PCDH15: variants seen among roughly 807,000 people sequenced by gnomAD.
PCDH15 encodes the protein protocadherin-15.
In PCDH15, 129 loss-of-function variants were observed where a neutral mutation model predicts 178.5. That is an observed-to-expected ratio of 0.72 (90% confidence interval 0.63 to 0.84). PCDH15 has a LOEUF of 0.84. Among genes scored for constraint, PCDH15 ranks in the 40% least tolerant of loss-of-function variants. The pLI is 0.00. For synonymous variants in PCDH15, 800 were observed against 732.0 expected (o/e 1.09, Z -1.50); for missense variants, 2,230 against 2,099.9 (o/e 1.06, Z -1.21).
intron 3 of PCDH15, among the ~76,000 whole-genome samples, chr10:54,493,316 G>A (rs1006053319): frequency 6.7e-6 from 1 of 148,964 alleles, no homozygotes; most frequent in African/African-American, 2.4e-5. Context: ...TGGGGGTGGG[G>A]GCAAACAAAA....
intron 6 of PCDH15, among the ~76,000 whole-genome samples, chr10:54,331,729 C>A (rs760609682): frequency 6.6e-6 from 1 of 151,974 alleles, no homozygotes; most frequent in African/African-American, 2.4e-5. Context: ...ATGGAAGATA[C>A]TGTGGTCTTA....
At chr10:54,826,705 G>A (rs557520165) in intron 3 of PCDH15, among the ~76,000 whole-genome samples, 46 of 151,690 alleles carry the variant, frequency 3.0e-4, no homozygotes, top group African/African-American at 1.1e-3. Flanking sequence ...AAGATTTCAA[G>A]CATGCCAAGA....
chr10:54,033,954 C>T (rs1366787668), intron 18 of PCDH15, among the ~76,000 whole-genome samples: 1 of 151,468 alleles, frequency 6.6e-6, no homozygotes, highest in South Asian at 2.1e-4. Context: ...AAGCATTGTC[C>T]TTCTGTCACA....
At chr10:55,397,776 G>C (rs1378031463) in intron 2 of PCDH15, among the ~76,000 whole-genome samples, 2 of 151,456 alleles carry the variant, frequency 1.3e-5, no homozygotes, top group Non-Finnish European at 2.9e-5. Context: ...AGTATAGATG[G>C]GGGTTTCACC....
At chr10:53,916,279 T>A (rs1368601189) in intron 25 of PCDH15, among the ~76,000 whole-genome samples, 3 of 152,134 alleles carry the variant, frequency 2.0e-5, no homozygotes, top group Non-Finnish European at 4.4e-5. Flanking sequence ...CATGAGGAAA[T>A]AATCAGGAAA....
At chr10:54,433,983 C>T (rs187195760) in intron 3 of PCDH15, among the ~76,000 whole-genome samples, 8 of 152,184 alleles carry the variant, frequency 5.3e-5, no homozygotes, top group East Asian at 3.9e-4. Context: ...TTCATTGGGA[C>T]GAGACGTGGA....
rs977604136 is a variant in PCDH15, at chr10:54,246,375, T to G, written c.877-9444A>C. 4.5e-4 allele frequency among the ~76,000 whole-genome samples: 68 copies of G among 151,946 alleles called. 3 individuals carry two copies. Among genetic ancestry groups the G allele is most frequent in the Non-Finnish European group, 7.4e-5 (5 of 67,810 alleles). ...GGCCTGATTTGTAATATGAAAGATT[T>G]GTTTTACCTGTTTTAAATTTTCTAT... On this transcript the variant is annotated intron_variant, in intron 8 of 37. Transcript: ENST00000644397.
At chr10:54,333,270 G>GT (rs1940256248) in intron 6 of PCDH15, among the ~76,000 whole-genome samples, 1 of 151,964 alleles carries the variant, frequency 6.6e-6, no homozygotes, top group African/African-American at 2.4e-5. Flanking sequence ...GTTAGCACTT[G>GT]TATTCTATAA....
intron 2 of PCDH15, among the ~76,000 whole-genome samples, chr10:55,329,275 T>C (rs1844130044): frequency 6.6e-6 from 1 of 151,616 alleles, no homozygotes; most frequent in African/African-American, 2.4e-5. Flanking sequence ...TTTCTCATGA[T>C]AACCATGAAG....
chr10:54,391,415 A>C (rs1334039105), intron 3 of PCDH15, among the ~76,000 whole-genome samples: 3 of 152,040 alleles, frequency 2.0e-5, no homozygotes, highest in Non-Finnish European at 4.4e-5. Context: ...TCAAGCACCA[A>C]TTACTATAAT....
At position 54,185,273 on chromosome 10, in the gene PCDH15, GA is replaced by G. The variant is rs750120473; in HGVS notation, c.1306-6del. ...GTGAAGCTCTGGGTCTTTTGTCTTTGAAAAAAAATGACATCGTTTCAAACGT... is the reference window on the plus strand; with the variant it reads ...GTGAAGCTCTGGGTCTTTTGTCTTTGAAAAAAATGACATCGTTTCAAACGT... On this transcript the variant is annotated splice_region_variant and splice_polypyrimidine_tract_variant and intron_variant, in intron 11 of 37. Transcript: ENST00000644397. 4 of 1,611,984 alleles carry G rather than the reference GA, an allele frequency of 2.5e-6. No individual in the cohort carries two copies. Among genetic ancestry groups the G allele is most frequent in the South Asian group, 1.1e-5 (1 of 91,006 alleles).
chr10:55,151,987 G>C (rs1224040498), intron 2 of PCDH15, among the ~76,000 whole-genome samples: 1 of 151,990 alleles, frequency 6.6e-6, no homozygotes, highest in Non-Finnish European at 1.5e-5. Context: ...GAGTGCTATA[G>C]GAGACTTTGT....
At chr10:54,981,372 C>T (rs890719725) in intron 2 of PCDH15, among the ~76,000 whole-genome samples, 1 of 152,124 alleles carries the variant, frequency 6.6e-6, no homozygotes, top group African/African-American at 2.4e-5. Context: ...ACCCTACTCC[C>T]TGGAAAATTC....
At chr10:54,664,853 C>T (rs948612685) in intron 1 of PCDH15, among the ~76,000 whole-genome samples, 4 of 149,676 alleles carry the variant, frequency 2.7e-5, no homozygotes, top group African/African-American at 9.9e-5. Context: ...CTTTATGAAG[C>T]ATTTGGATGC....
chr10:54,453,397 C>T (rs960306448), intron 3 of PCDH15, among the ~76,000 whole-genome samples: 13 of 151,934 alleles, frequency 8.6e-5, no homozygotes, highest in South Asian at 4.2e-4. Context: ...AGCAAACTAT[C>T]GCAAGGACAA....
At chr10:55,348,784 T>A (rs1252087990) in intron 2 of PCDH15, among the ~76,000 whole-genome samples, 1 of 152,082 alleles carries the variant, frequency 6.6e-6, no homozygotes, top group Non-Finnish European at 1.5e-5. Context: ...ATAATCCCAG[T>A]GTAACTGAAA....
chr10:54,829,877 C>T (rs929373597), intron 3 of PCDH15, among the ~76,000 whole-genome samples: 49 of 152,094 alleles, frequency 3.2e-4, no homozygotes, highest in Non-Finnish European at 5.7e-4. Context: ...TGTTGTTATG[C>T]ACTATCACAT....
chr10:55,019,913 G>C (rs1288716878), intron 2 of PCDH15, among the ~76,000 whole-genome samples: 1 of 144,318 alleles, frequency 6.9e-6, no homozygotes, highest in Non-Finnish European at 1.5e-5. Flanking sequence ...CATATAAATT[G>C]CATTACTAGA....
intron 2 of PCDH15, among the ~76,000 whole-genome samples, chr10:55,483,056 C>A (rs1352233648): frequency 6.6e-6 from 1 of 151,604 alleles, no homozygotes; most frequent in Non-Finnish European, 1.5e-5. Flanking sequence ...AATGTAAAAC[C>A]CATTCAGGAC....
Sources: allele counts gnomAD v4.1 joint callset (sites outside exome capture counted in the v4.1 genomes callset), GRCh38; gene constraint gnomAD v4.1.1; transcripts MANE v1.5; gene names NCBI Gene and HGNC (gene_info 2026-07-23, HGNC 2026-07-21).